Variants in PCMTD1 observed in about 807,000 individuals in gnomAD.
The protein encoded by PCMTD1 is protein-L-isoaspartate O-methyltransferase domain-containing protein 1.
In PCMTD1, 12 loss-of-function variants were observed where a neutral mutation model predicts 37.6. That is an observed-to-expected ratio of 0.32 (90% confidence interval 0.20 to 0.52). The LOEUF (loss-of-function observed/expected upper bound fraction) is 0.52. PCMTD1 is among the 20% of genes least tolerant of loss of function. The pLI is 0.97. For synonymous variants in PCMTD1, 117 were observed against 135.8 expected, an observed-to-expected ratio of 0.86 and a Z score of 0.96; for missense variants, 235 against 421.3, an observed-to-expected ratio of 0.56 and a Z score of 3.87.
intron 2 of PCMTD1, among the ~76,000 whole-genome samples, chr8:51,851,121 A>G (rs955959809): frequency 5.9e-5 from 9 of 152,220 alleles, no homozygotes; most frequent in African/African-American, 2.2e-4. Context: ...GAAAAACATC[A>G]AACACTGTCA....
Position 51,818,137 on chromosome 8 carries a change from A to G in PCMTD1, c.*2214T>C. ...AATATTCTTATTCTAATATATCTGC[A>G]TTAATAGATAAAAAGGCTTTAGCTT... is the stretch of plus-strand genomic sequence containing the variant. On this transcript the variant is annotated 3_prime_UTR_variant, in exon 6 of 6. Transcript: ENST00000522514. 1 of 329,556 alleles carries G rather than the reference A, an allele frequency of 3.0e-6. No individual in the cohort carries two copies. Among genetic ancestry groups the G allele is most frequent in the Non-Finnish European group, 5.9e-6 (1 of 170,420 alleles). The allele number at this position is 329,556 out of a possible 1,614,324, so 20.4% of individuals were successfully genotyped here.
chr8:51,860,794 A>G, intron 2 of PCMTD1, 51 bp downstream of exon 2: 1 of 1,408,992 alleles, frequency 7.1e-7, no homozygotes, highest in East Asian at 2.5e-5. Flanking sequence ...CATAAACCAT[A>G]ATACAAAATG....
Position 51,831,472 on chromosome 8 carries a change from A to G in PCMTD1, c.678T>C (p.Asp226=), listed in dbSNP as rs1409345965. The change falls in exon 5 of 6, where the codon GAT becomes GAC. Residue 226 remains aspartate (D), a synonymous_variant. Transcript: ENST00000522514. Reference sequence around the variant, plus strand: ...GTCCCACAGAATCTGGTTTGCCATTATCATTCTTACTTGGTTGCACAAGTG... The same window carrying G: ...GTCCCACAGAATCTGGTTTGCCATTGTCATTCTTACTTGGTTGCACAAGTG... The part of the protein sequence containing the change: ...FAPLVQPSKN[D]NGKPDSVGLP... 3 of 1,613,762 alleles carry G rather than the reference A, an allele frequency of 1.9e-6. No individual in the cohort carries two copies. Among genetic ancestry groups the G allele is most frequent in the South Asian group, 2.2e-5 (2 of 91,052 alleles).
At chr8:51,845,609 G>C in intron 3 of PCMTD1, 52 bp downstream of exon 3, 1 of 1,227,390 alleles carries the variant, frequency 8.1e-7, no homozygotes, top group South Asian at 1.2e-5. Flanking sequence ...TAGACATGTT[G>C]CATGTATCTA....
chr8:51,856,281 C>A (rs2038387575), intron 2 of PCMTD1, among the ~76,000 whole-genome samples: 2 of 152,108 alleles, frequency 1.3e-5, no homozygotes, highest in South Asian at 4.1e-4. Flanking sequence ...TATCATTAGT[C>A]ATTAAGGAAG....
chr8:51,845,484 TTACA>T, intron 3 of PCMTD1, 173 bp downstream of exon 3: 1 of 481,868 alleles, frequency 2.1e-6, no homozygotes, highest in South Asian at 3.7e-5. Context: ...TACTATAGAA[TTACA>T]TATAGTAAAA....
chr8:51,875,764 T>C (rs2038702496), intron 1 of PCMTD1, among the ~76,000 whole-genome samples: 1 of 152,004 alleles, frequency 6.6e-6, no homozygotes, highest in South Asian at 2.1e-4. Flanking sequence ...ACCTCATCTT[T>C]ACAAAAAAAA....
chr8:51,846,611 T>C (rs1466859097), intron 2 of PCMTD1, among the ~76,000 whole-genome samples: 1 of 152,176 alleles, frequency 6.6e-6, no homozygotes, highest in Non-Finnish European at 1.5e-5. Flanking sequence ...CACTTTGACA[T>C]TGGTCCTGGA....
At chr8:51,856,962 T>C (rs564072152) in intron 2 of PCMTD1, among the ~76,000 whole-genome samples, 69 of 152,344 alleles carry the variant, frequency 4.5e-4, no homozygotes, top group African/African-American at 1.5e-3. Flanking sequence ...ATGAGTAAAC[T>C]TGATGGTATG....
At chr8:51,857,555 G>T (rs989236170) in intron 2 of PCMTD1, among the ~76,000 whole-genome samples, 1 of 152,044 alleles carries the variant, frequency 6.6e-6, no homozygotes, top group African/African-American at 2.4e-5. Flanking sequence ...GACGTGGGAG[G>T]CTGCTTTATT....
chr8:51,884,850 C>T (rs139884464), intron 1 of PCMTD1, among the ~76,000 whole-genome samples: 188 of 152,316 alleles, frequency 1.2e-3, no homozygotes, highest in Non-Finnish European at 1.9e-3. Flanking sequence ...CATTGAGGTA[C>T]CCTCTCCAAC....
rs1563332895 is a variant in PCMTD1, at chr8:51,820,776, G to GT, written c.707-59dup. On this transcript the variant is annotated intron_variant, in intron 5 of 5. Coordinates refer to ENST00000522514, the MANE Select transcript of PCMTD1 (RefSeq NM_052937.4). ...TATTAACAATAAAACATTATCTATT[G>GT]TTTATTTTTTTCATAGAACAAAATG... 22 of 1,341,688 alleles carry GT rather than the reference G, an allele frequency of 1.6e-5. No homozygotes were observed. The East Asian group carries it at 4.2e-4, about 26-fold the overall frequency. 83.1% of individuals were successfully genotyped at this position (1,341,688 alleles called of 1,614,324 possible). A position where few individuals can be genotyped will look rare whatever the true frequency, so the allele number is the denominator to read the frequency against.
intron 1 of PCMTD1, among the ~76,000 whole-genome samples, chr8:51,881,946 G>A (rs369567933): frequency 1.2e-4 from 18 of 152,302 alleles, no homozygotes; most frequent in African/African-American, 4.3e-4. Flanking sequence ...TTTTGCATAT[G>A]CATTAAGTCT....
intron 5 of PCMTD1, chr8:51,826,954 G>C: frequency 7.8e-6 from 7 of 902,366 alleles, no homozygotes; most frequent in Non-Finnish European, 9.3e-6. Context: ...TGTTTAATAT[G>C]AGCAACTTGA....
chr8:51,881,081 C>T (rs1345974590), intron 1 of PCMTD1, among the ~76,000 whole-genome samples: 1 of 152,190 alleles, frequency 6.6e-6, no homozygotes, highest in Admixed American at 6.5e-5. Context: ...AAATCAACCC[C>T]ACGAACACTG....
intron 5 of PCMTD1, among the ~76,000 whole-genome samples, chr8:51,823,773 G>A (rs2129272969): frequency 6.6e-6 from 1 of 152,288 alleles, no homozygotes; most frequent in South Asian, 2.1e-4. Context: ...TATCCCTGAT[G>A]AACATCGATG....
intron 3 of PCMTD1, among the ~76,000 whole-genome samples, chr8:51,838,366 A>G (rs982885371): frequency 1.4e-4 from 21 of 152,000 alleles, no homozygotes; most frequent in Non-Finnish European, 2.6e-4. Context: ...GCACGCGCCT[A>G]TAGTCCCAGC....
chr8:51,853,575 A>T (rs1232018877), intron 2 of PCMTD1, among the ~76,000 whole-genome samples: 2 of 152,210 alleles, frequency 1.3e-5, no homozygotes, highest in Admixed American at 1.3e-4. Flanking sequence ...TGAATTAGCA[A>T]AAGATGAACT....
chr8:51,884,652 C>A (rs1175098878), intron 1 of PCMTD1, among the ~76,000 whole-genome samples: 1 of 152,196 alleles, frequency 6.6e-6, no homozygotes, highest in African/African-American at 2.4e-5. Context: ...TGGTGCAATG[C>A]TTGGCAGGCT....
Sources: allele counts gnomAD v4.1 joint callset (sites outside exome capture counted in the v4.1 genomes callset), GRCh38; gene constraint gnomAD v4.1.1; transcripts MANE v1.5; gene names NCBI Gene and HGNC (gene_info 2026-07-23, HGNC 2026-07-21).